NUMA1: variants seen among roughly 807,000 people sequenced by gnomAD.
The protein encoded by NUMA1 is SP-H antigen.
NUMA1 carries 62 observed loss-of-function variants against 237.1 expected under a neutral mutation model. The observed-to-expected ratio is 0.26, with a 90% CI of 0.21 to 0.32. The LOEUF is 0.32. Ranked by LOEUF, NUMA1 falls within the 10% of genes least tolerant of loss-of-function variation. The pLI, the probability that NUMA1 is intolerant of heterozygous loss-of-function variation, is 1.00. For synonymous variants in NUMA1, 1,028 were observed against 1,066.1 expected (o/e 0.96, Z 0.70); for missense variants, 2,533 against 2,666.5 (o/e 0.95, Z 1.10).
intron 25 of NUMA1, 63 bp from the exon 26 acceptor site, chr11:72,004,162 C>T (rs1565182068): frequency 6.2e-7 from 1 of 1,602,926 alleles, no homozygotes. Context: ...GCGTGCTGTG[C>T]CACGCTCTAT....
Position 72,029,197 on chromosome 11 carries a change from G to T in NUMA1, c.128+8C>A, listed in dbSNP as rs368552801. 1 of 1,604,808 alleles carries T rather than the reference G, an allele frequency of 6.2e-7. No homozygotes were observed. ...TAGAGGCTAGAAAGGGGTATGGTGC[G>T]TACTCACATTCTGTCAATGATCTTG... On this transcript the variant is annotated splice_region_variant and intron_variant, in intron 4 of 26. Transcript: ENST00000393695.
intron 2 of NUMA1, among the ~76,000 whole-genome samples, chr11:72,054,803 G>A (rs369398495): frequency 9.8e-4 from 150 of 152,328 alleles, no homozygotes; most frequent in African/African-American, 3.4e-3. Context: ...TTTGGGGTTA[G>A]AGATAAGGAT....
intron 2 of NUMA1, among the ~76,000 whole-genome samples, chr11:72,057,250 A>G (rs1942705721): frequency 6.6e-6 from 1 of 152,200 alleles, no homozygotes; most frequent in African/African-American, 2.4e-5. Context: ...ACCTTACTAA[A>G]TTAAAGCTCA....
intron 20 of NUMA1, chr11:72,007,941 C>T: frequency 2.7e-6 from 1 of 373,602 alleles, no homozygotes; most frequent in East Asian, 6.7e-5. Flanking sequence ...CTCATCATGG[C>T]ACTGACAGAG....
At chr11:72,044,480 T>C (rs960021562) in intron 2 of NUMA1, among the ~76,000 whole-genome samples, 5 of 152,052 alleles carry the variant, frequency 3.3e-5, no homozygotes, top group Non-Finnish European at 7.3e-5. Flanking sequence ...CCTCTGTCTG[T>C]CTGCCTTCTT....
At chr11:72,079,760 A>G (rs1768639095) in intron 1 of NUMA1, among the ~76,000 whole-genome samples, 1 of 152,114 alleles carries the variant, frequency 6.6e-6, no homozygotes, top group African/African-American at 2.4e-5. Context: ...AAAAAAAAAA[A>G]AAAAAAAGAC....
intron 2 of NUMA1, among the ~76,000 whole-genome samples, chr11:72,059,546 G>C (rs968303312): frequency 1.3e-5 from 2 of 152,188 alleles, no homozygotes; most frequent in Admixed American, 6.5e-5. Flanking sequence ...TGGGATTACA[G>C]GTGTGAGCTA....
chr11:72,014,611 C>T lies in NUMA1; in HGVS notation c.2892G>A (p.Gln964=), dbSNP rs757130377. Residue 964 remains glutamine, a synonymous_variant, in exon 15 of 27, where the codon CAG becomes CAA. Transcript: ENST00000393695. The surrounding 1 kb of genome is among the most constrained non-coding windows in gnomAD (Gnocchi z 4.6). The part of the protein sequence containing the change: ...EQQGRQFCST[Q]AALQAMEREA... The stretch of plus-strand genomic sequence containing the variant: ...CCCGCTCCATAGCCTGCAGCGCTGC[C>T]TGTGTGCTGCAGAACTGGCGTCCCT... 4 of 1,608,204 alleles carry T rather than the reference C, an allele frequency of 2.5e-6. No individual in the cohort carries two copies. The Admixed American group carries it at 5.0e-5, about 20-fold the overall frequency.
rs778709741 is a variant in NUMA1, at chr11:72,022,332, G to A, written c.372+7C>T. 5.0e-6 allele frequency: 8 copies of A among 1,606,010 alleles called. No individual in the cohort carries two copies. Among genetic ancestry groups the A allele is most frequent in the Non-Finnish European group, 3.4e-6 (4 of 1,173,394 alleles). ...CTGCTAGGTGGCATGGAGGCACAAGGGCTTACCTGAATTTTATATTCAAAC... is the reference window on the plus strand; with the variant it reads ...CTGCTAGGTGGCATGGAGGCACAAGAGCTTACCTGAATTTTATATTCAAAC... On this transcript the variant is annotated splice_region_variant and intron_variant, in intron 7 of 26. Transcript: ENST00000393695.
At chr11:72,068,719 T>C (rs1164011625) in intron 2 of NUMA1, 1 of 152,170 alleles carries the variant, frequency 6.6e-6, no homozygotes, top group Non-Finnish European at 1.5e-5. Flanking sequence ...AAGTGACTTG[T>C]TTTCCAGCAG....
intron 2 of NUMA1, among the ~76,000 whole-genome samples, chr11:72,061,349 C>T (rs1224505948): frequency 6.6e-6 from 1 of 152,130 alleles, no homozygotes; most frequent in African/African-American, 2.4e-5. Context: ...ACTTTATATG[C>T]AGTATAGGTC....
At chr11:72,020,629 T>C (rs566417235) in intron 8 of NUMA1, 2 of 152,342 alleles carry the variant, frequency 1.3e-5, no homozygotes, top group African/African-American at 2.4e-5. Context: ...TCCTAACACT[T>C]TGGGAGGCCG....
At chr11:72,049,560 A>AATAATATATATATATATATATATAT (rs1555034473) in intron 2 of NUMA1, 28 of 40,994 alleles carry the variant, frequency 6.8e-4, no homozygotes, top group African/African-American at 2.4e-3. Context: ...AAATAATAAT[A>AATAATATATATATATATATATATAT]ATATATATAT....
chr11:72,008,193 A>G (rs770547863), intron 20 of NUMA1: 9 of 470,296 alleles, frequency 1.9e-5, no homozygotes, highest in Admixed American at 1.2e-4. Flanking sequence ...ACATTTTTCC[A>G]GTCTTAACTT....
chr11:72,007,129 A>T, intron 21 of NUMA1, 60 bp downstream of exon 21: 1 of 1,588,020 alleles, frequency 6.3e-7, no homozygotes. Flanking sequence ...CCCAGTGCAA[A>T]GATGCCCTTG....
intron 21 of NUMA1, among the ~76,000 whole-genome samples, chr11:72,006,861 G>T (rs894023457): frequency 6.6e-6 from 1 of 152,244 alleles, no homozygotes; most frequent in Non-Finnish European, 1.5e-5. Context: ...CAGCAACAAT[G>T]CCTCTCAGCT....
At chr11:72,004,895 A>G (rs531902104) in intron 23 of NUMA1, 79 bp from the exon 24 acceptor site, 3 of 1,362,270 alleles carry the variant, frequency 2.2e-6, no homozygotes, top group African/African-American at 2.9e-5. Context: ...CCAGAACTCT[A>G]CACTCGCCCG....
intron 2 of NUMA1, among the ~76,000 whole-genome samples, chr11:72,038,834 C>A (rs1338053950): frequency 6.6e-6 from 1 of 152,076 alleles, no homozygotes; most frequent in Non-Finnish European, 1.5e-5. Flanking sequence ...AGGCCAGGCC[C>A]TCTGAGGGCA....
intron 7 of NUMA1, 109 bp downstream of exon 7, chr11:72,022,230 A>T (rs1328251424): frequency 1.6e-6 from 1 of 636,110 alleles, no homozygotes; most frequent in East Asian, 2.9e-5. Context: ...AATAATTGCT[A>T]TAACTGTATT....
Sources: allele counts gnomAD v4.1 joint callset (sites outside exome capture counted in the v4.1 genomes callset), GRCh38; gene constraint gnomAD v4.1.1; non-coding constraint Gnocchi (gnomAD v3.1); transcripts MANE v1.5; gene names NCBI Gene and HGNC (gene_info 2026-07-23, HGNC 2026-07-21).